The following ATG5 variants were observed in gnomAD, a reference collection of about 807,000 sequenced individuals.
ATG5 encodes the protein autophagy related 5.
Under a neutral mutation model 36.5 loss-of-function variants are expected in ATG5, and 14 were observed. The ratio of observed to expected loss-of-function variants is 0.38; its 90% CI spans 0.25 to 0.60. The LOEUF is 0.60. ATG5 is among the 20% of genes least tolerant of loss of function. The pLI is 0.60. For synonymous variants in ATG5, 95 were observed against 101.5 expected (o/e 0.94, Z 0.38); for missense variants, 195 against 326.7 (o/e 0.60, Z 3.11).
At chr6:106,298,283 T>G (rs1770058304) in intron 3 of ATG5, among the ~76,000 whole-genome samples, 1 of 152,176 alleles carries the variant, frequency 6.6e-6, no homozygotes, top group Non-Finnish European at 1.5e-5. Context: ...TCTTAAAATT[T>G]TTTTTTAAAT....
intron 6 of ATG5, among the ~76,000 whole-genome samples, chr6:106,245,202 A>G (rs1013639841): frequency 1.3e-5 from 2 of 152,166 alleles, no homozygotes; most frequent in East Asian, 3.8e-4. Context: ...AACTTTTACC[A>G]CTAAAAATCG....
intron 6 of ATG5, among the ~76,000 whole-genome samples, chr6:106,224,875 CT>C (rs1777391967): frequency 6.6e-6 from 1 of 152,112 alleles, no homozygotes; most frequent in East Asian, 1.9e-4. Flanking sequence ...GAGCGAAACT[CT>C]TGTCTCAAAA....
intron 6 of ATG5, among the ~76,000 whole-genome samples, chr6:106,224,607 G>A (rs939389884): frequency 6.6e-6 from 1 of 152,164 alleles, no homozygotes; most frequent in Non-Finnish European, 1.5e-5. Flanking sequence ...CAGGTGCGGT[G>A]GCTCATGCCT....
At chr6:106,265,168 C>CA (rs748718301) in intron 5 of ATG5, among the ~76,000 whole-genome samples, 3,644 of 56,652 alleles carry the variant, frequency 0.064, 89 homozygotes, top group African/African-American at 0.13. Flanking sequence ...AAATGGAAAG[C>CA]AAAAAAAAAA....
chr6:106,193,412 T>C (rs1157566144), intron 7 of ATG5, among the ~76,000 whole-genome samples: 1 of 152,182 alleles, frequency 6.6e-6, no homozygotes, highest in Non-Finnish European at 1.5e-5. Context: ...TAAAAACATG[T>C]CCATATTAAT....
At chr6:106,310,213 C>T (rs1378043788) in intron 2 of ATG5, among the ~76,000 whole-genome samples, 1 of 151,996 alleles carries the variant, frequency 6.6e-6, no homozygotes, top group Non-Finnish European at 1.5e-5. Flanking sequence ...TCAGAGATGC[C>T]AATGGTTAAG....
chr6:106,287,594 C>T (rs1780129527), intron 4 of ATG5, among the ~76,000 whole-genome samples: 1 of 152,032 alleles, frequency 6.6e-6, no homozygotes, highest in Non-Finnish European at 1.5e-5. Flanking sequence ...ACCATGTTAC[C>T]AAGAGGAAGA....
At position 106,202,055 on chromosome 6, in the gene ATG5, A is replaced by G. The variant is rs746306169; in HGVS notation, c.608T>C (p.Phe203Ser). The G allele has an allele frequency of 6.2e-7, 1 of 1,614,036 alleles. No individual in the cohort carries two copies. Among genetic ancestry groups the G allele is most frequent in the Non-Finnish European group, 8.5e-7 (1 of 1,179,912 alleles). ...TTERPFIQKL[F>S]RPVAADGQLH... The stretch of plus-strand genomic sequence containing the variant: ...CTGTCCATCTGCAGCCACAGGACGA[A>G]ACAGCTTCTGAATGAAAGGTCTTTC... The change falls in exon 7 of 8, where the codon TTT becomes TCT. Residue 203 changes from phenylalanine (F) to serine (S), a missense_variant. Phe to Ser is a radical substitution (Grantham distance 155). Transcript: ENST00000369076.
intron 5 of ATG5, among the ~76,000 whole-genome samples, chr6:106,253,166 T>C (rs1778664918): frequency 6.6e-6 from 1 of 152,188 alleles, no homozygotes; most frequent in Non-Finnish European, 1.5e-5. Flanking sequence ...CAAGTAGTAA[T>C]TACTGGTAGG....
At chr6:106,314,846 T>C (rs1434218811) in intron 2 of ATG5, among the ~76,000 whole-genome samples, 2 of 152,216 alleles carry the variant, frequency 1.3e-5, no homozygotes, top group African/African-American at 4.8e-5. Flanking sequence ...TGGATGTTTT[T>C]CTAGACAGAA....
intron 6 of ATG5, among the ~76,000 whole-genome samples, chr6:106,231,977 T>C (rs1479430314): frequency 6.6e-6 from 1 of 152,122 alleles, no homozygotes; most frequent in Non-Finnish European, 1.5e-5. Flanking sequence ...TTAAAAAAGA[T>C]TGTCCAAATA....
At chr6:106,277,537 G>A (rs1779706574) in intron 5 of ATG5, among the ~76,000 whole-genome samples, 1 of 152,242 alleles carries the variant, frequency 6.6e-6, no homozygotes, top group Non-Finnish European at 1.5e-5. Context: ...ACTAGAGGCT[G>A]AGCATGGTAG....
intron 7 of ATG5, among the ~76,000 whole-genome samples, chr6:106,192,899 C>T (rs1300515410): frequency 6.6e-6 from 1 of 152,124 alleles, no homozygotes; most frequent in Non-Finnish European, 1.5e-5. Context: ...TTGAATCCAT[C>T]GACATGAAAA....
chr6:106,229,567 A>C (rs921105680), intron 6 of ATG5, among the ~76,000 whole-genome samples: 1 of 150,530 alleles, frequency 6.6e-6, no homozygotes, highest in African/African-American at 2.4e-5. Context: ...AGTAAAAAAA[A>C]ACAGTGTGCC....
intron 4 of ATG5, among the ~76,000 whole-genome samples, chr6:106,285,281 A>AC (rs1780033734): frequency 1.3e-5 from 2 of 152,130 alleles, no homozygotes; most frequent in African/African-American, 4.8e-5. Context: ...TACTGAATTT[A>AC]TAATAGTTGC....
intron 6 of ATG5, among the ~76,000 whole-genome samples, chr6:106,218,472 T>TA: frequency 6.6e-6 from 1 of 152,338 alleles, no homozygotes; most frequent in East Asian, 1.9e-4. Context: ...TTGTATGTGA[T>TA]ATGGCTTAGA....
At chr6:106,186,710 G>T in intron 7 of ATG5, 34 bp from the exon 8 acceptor site, 2 of 1,605,798 alleles carry the variant, frequency 1.2e-6, no homozygotes, top group South Asian at 2.2e-5. Flanking sequence ...AACAATAAAA[G>T]TCAAAACAGT....
intron 3 of ATG5, among the ~76,000 whole-genome samples, chr6:106,299,240 C>T (rs189529718): frequency 3.3e-5 from 5 of 152,212 alleles, no homozygotes; most frequent in Admixed American, 1.3e-4. Context: ...CACATTCTCC[C>T]GTATACTTTA....
chr6:106,198,762 C>A (rs1008975969), intron 7 of ATG5, among the ~76,000 whole-genome samples: 2 of 136,596 alleles, frequency 1.5e-5, no homozygotes, highest in South Asian at 4.7e-4. Flanking sequence ...GGTGACAGAG[C>A]GAGACCCTGT....
Sources: allele counts gnomAD v4.1 joint callset (sites outside exome capture counted in the v4.1 genomes callset), GRCh38; gene constraint gnomAD v4.1.1; transcripts MANE v1.5; gene names NCBI Gene and HGNC (gene_info 2026-07-23, HGNC 2026-07-21).